Variants in NBEA observed in about 807,000 individuals in gnomAD.
NBEA encodes the protein neurobeachin, also known as lysosomal-trafficking regulator 2.
NBEA carries 44 observed loss-of-function variants against 343.4 expected under a neutral mutation model. The observed-to-expected ratio is 0.13, with a 90% CI of 0.10 to 0.16. The LOEUF (loss-of-function observed/expected upper bound fraction) is 0.16. Among genes scored for constraint, NBEA ranks in the 10% least tolerant of loss-of-function variants. NBEA has a pLI of 1.00. For missense variants in NBEA, 2,555 were observed against 3,631.3 expected (o/e 0.70, Z 7.62); for synonymous variants, 1,175 against 1,238.7 (o/e 0.95, Z 1.08).
At chr13:35,094,391 C>T (rs2065230966) in intron 10 of NBEA, among the ~76,000 whole-genome samples, 1 of 152,056 alleles carries the variant, frequency 6.6e-6, no homozygotes, top group Non-Finnish European at 1.5e-5. Context: ...TTGCATTTCA[C>T]AGTTTTCCTT....
In NBEA at chr13:35,482,835, C is replaced by T. The variant is rs537335871; in HGVS notation, c.6585+10299C>T. On this transcript the variant is annotated intron_variant, in intron 41 of 58. Coordinates refer to ENST00000379939, the MANE Select transcript of NBEA (RefSeq NM_001385012.1). ...ACAAATATATACCATCATAGAAGCT[C>T]TACCACACATGTAGATAGAACATTT... 5.3e-5 allele frequency among the ~76,000 whole-genome samples: 8 copies of T among 151,892 alleles called. No individual in the cohort carries two copies. In the South Asian group the frequency reaches 1.7e-3, roughly 31 times the overall value.
chr13:35,326,451 G>A (rs1339161674), intron 36 of NBEA, among the ~76,000 whole-genome samples: 1 of 152,026 alleles, frequency 6.6e-6, no homozygotes, highest in African/African-American at 2.4e-5. Flanking sequence ...TGTTATTGGT[G>A]TGTAGAAATG....
chr13:35,637,122 G>A lies in NBEA; in HGVS notation c.7618-8747G>A, dbSNP rs1387904908. Among the ~76,000 whole-genome samples the A allele has an allele frequency of 2.0e-5, 3 of 152,134 alleles. No individual in the cohort carries two copies. In the East Asian group the frequency reaches 5.8e-4, roughly 29 times the overall value. Reference sequence around the variant, plus strand: ...ATAACAATCCTATTTGTATCAGTCAGGATCTCAGCACATTACCTTTCAAAG... The same window carrying A: ...ATAACAATCCTATTTGTATCAGTCAAGATCTCAGCACATTACCTTTCAAAG... On this transcript the variant is annotated intron_variant, in intron 49 of 58. Coordinates refer to ENST00000379939, the MANE Select transcript of NBEA (RefSeq NM_001385012.1).
At chr13:35,096,237 C>T (rs1398965058) in intron 10 of NBEA, among the ~76,000 whole-genome samples, 1 of 148,568 alleles carries the variant, frequency 6.7e-6, no homozygotes, top group African/African-American at 2.5e-5. Context: ...ATTGCTATTG[C>T]ATTGGGTTTT....
intron 1 of NBEA, among the ~76,000 whole-genome samples, chr13:34,949,720 A>G (rs1450023905): frequency 6.6e-6 from 1 of 152,184 alleles, no homozygotes; most frequent in African/African-American, 2.4e-5. Flanking sequence ...TTACCATTGT[A>G]TATTAATTAG....
chr13:35,334,921 T>A (rs978923896), intron 36 of NBEA, among the ~76,000 whole-genome samples: 3 of 152,182 alleles, frequency 2.0e-5, no homozygotes, highest in Admixed American at 1.3e-4. Flanking sequence ...GCTCAAGAAA[T>A]CATTGGCCTG....
chr13:35,550,906 C>CT (rs1428984366), intron 42 of NBEA, 24 bp from the exon 43 acceptor site: 1 of 1,462,864 alleles, frequency 6.8e-7, no homozygotes, highest in Non-Finnish European at 9.5e-7. Context: ...TTTCTAAACT[C>CT]TGTTTTTTTT....
chr13:35,640,949 A>C (rs185986001), intron 49 of NBEA, among the ~76,000 whole-genome samples: 9 of 152,266 alleles, frequency 5.9e-5, no homozygotes, highest in African/African-American at 2.2e-4. Context: ...AGAAAAATAA[A>C]TGCTAAGTGC....
chr13:35,471,277 C>A (rs925495041), intron 40 of NBEA, among the ~76,000 whole-genome samples: 8 of 152,144 alleles, frequency 5.3e-5, no homozygotes, highest in African/African-American at 1.7e-4. Context: ...GAGCCCGGCC[C>A]GGCGGGGGCC....
chr13:35,036,107 A>G (rs1167281541), intron 1 of NBEA, among the ~76,000 whole-genome samples: 1 of 151,710 alleles, frequency 6.6e-6, no homozygotes, highest in East Asian at 1.9e-4. Flanking sequence ...TCCTCTAGTG[A>G]AGATGATTTT....
At chr13:35,478,488 C>T (rs548238976) in intron 41 of NBEA, among the ~76,000 whole-genome samples, 2 of 152,244 alleles carry the variant, frequency 1.3e-5, no homozygotes, top group Non-Finnish European at 2.9e-5. Context: ...TGCCCTCACC[C>T]GGCGCGTGTG....
At chr13:35,580,992 T>C (rs995483110) in intron 45 of NBEA, among the ~76,000 whole-genome samples, 3 of 152,194 alleles carry the variant, frequency 2.0e-5, no homozygotes, top group African/African-American at 7.2e-5. Flanking sequence ...TAAAGAATGT[T>C]TTGTGAGATT....
At chr13:35,301,056 A>G (rs940782984) in intron 35 of NBEA, among the ~76,000 whole-genome samples, 3 of 152,182 alleles carry the variant, frequency 2.0e-5, no homozygotes, top group African/African-American at 4.8e-5. Flanking sequence ...GGAGGAAAAT[A>G]TACTTTATCT....
Position 35,341,358 on chromosome 13 carries a change from T to C in NBEA, c.5904-7750T>C, listed in dbSNP as rs577217685. Among the ~76,000 whole-genome samples, 16 of 152,148 alleles carry C rather than the reference T, an allele frequency of 1.1e-4. No individual in the cohort carries two copies. The South Asian group carries it at 2.1e-3, about 20-fold the overall frequency. ...AATTACCCAATGGTTTTCATAGATA[T>C]GACACCAAAAGGACAAGCAAAAAAA... On this transcript the variant is annotated intron_variant, in intron 36 of 58. Coordinates refer to ENST00000379939, the MANE Select transcript of NBEA (RefSeq NM_001385012.1).
intron 35 of NBEA, among the ~76,000 whole-genome samples, chr13:35,296,708 G>A (rs1240911679): frequency 1.3e-5 from 2 of 151,470 alleles, no homozygotes; most frequent in Non-Finnish European, 2.9e-5. Flanking sequence ...AAGTTTTTCA[G>A]ACAAATTACA....
At chr13:35,127,093 T>C (rs1566328919) in intron 17 of NBEA, among the ~76,000 whole-genome samples, 1 of 152,118 alleles carries the variant, frequency 6.6e-6, no homozygotes, top group Non-Finnish European at 1.5e-5. Context: ...AAAACTGACC[T>C]AGAATGGTTA....
chr13:35,007,157 G>A (rs984816223), intron 1 of NBEA, among the ~76,000 whole-genome samples: 1 of 151,904 alleles, frequency 6.6e-6, no homozygotes, highest in Non-Finnish European at 1.5e-5. Flanking sequence ...TTATTTAACT[G>A]GCCTTGAAAA....
chr13:35,482,429 T>C (rs2076154902), intron 41 of NBEA, among the ~76,000 whole-genome samples: 1 of 151,574 alleles, frequency 6.6e-6, no homozygotes. Flanking sequence ...TACATTTTAG[T>C]ACACCAATAT....
At chr13:35,640,538 G>GAAC (rs2083896669) in intron 49 of NBEA, among the ~76,000 whole-genome samples, 1 of 152,152 alleles carries the variant, frequency 6.6e-6, no homozygotes, top group Non-Finnish European at 1.5e-5. Context: ...AGACTCAAGA[G>GAAC]AACTTGTTAA....
Sources: allele counts gnomAD v4.1 joint callset (sites outside exome capture counted in the v4.1 genomes callset), GRCh38; gene constraint gnomAD v4.1.1; transcripts MANE v1.5; gene names NCBI Gene and HGNC (gene_info 2026-07-23, HGNC 2026-07-21).